Variants in XKR6 observed in about 807,000 individuals in gnomAD.
The protein encoded by XKR6 is XK-related protein 6.
In XKR6, 22 loss-of-function variants were observed where a neutral mutation model predicts 56.7. The ratio of observed to expected loss-of-function variants is 0.39; its 90% confidence interval spans 0.28 to 0.55. XKR6 has a LOEUF of 0.55. XKR6 is among the 20% of genes least tolerant of loss of function. The pLI is 0.66. For missense variants in XKR6, 852 were observed against 889.0 expected, an observed-to-expected ratio of 0.96 and a Z score of 0.53; for synonymous variants, 524 against 387.8, an observed-to-expected ratio of 1.35 and a Z score of -4.13.
chr8:11,026,420 GGTCTAGCCTACTACACACTTAGATA>G, intron 1 of XKR6, among the ~76,000 whole-genome samples: 4 of 149,632 alleles, frequency 2.7e-5, no homozygotes, highest in Admixed American at 6.7e-5. Flanking sequence ...ACACCTAGAT[GGTCTAGCCTACTACACACTTAGATA>G]GTCTAGCCTA....
intron 1 of XKR6, chr8:11,123,753 A>G (rs1392536504): frequency 4.6e-6 from 2 of 430,506 alleles, no homozygotes; most frequent in South Asian, 3.3e-5. Context: ...ACCCCGGGAA[A>G]AAAAAACAAA....
intron 1 of XKR6, among the ~76,000 whole-genome samples, chr8:10,937,672 A>T (rs1423888893): frequency 1.1e-4 from 17 of 148,712 alleles, no homozygotes; most frequent in African/African-American, 3.7e-4. Context: ...GTGAGGTGTC[A>T]GTGTGCCCCT....
chr8:10,971,492 C>T (rs1563319865), intron 1 of XKR6, among the ~76,000 whole-genome samples: 1 of 151,938 alleles, frequency 6.6e-6, no homozygotes, highest in African/African-American at 2.4e-5. Context: ...GAGCAGCCTC[C>T]ATACACTTTG....
At chr8:10,993,686 C>G (rs1202426988) in intron 1 of XKR6, among the ~76,000 whole-genome samples, 1 of 152,216 alleles carries the variant, frequency 6.6e-6, no homozygotes. Flanking sequence ...ACACTGGGAG[C>G]CCCTTTGTCT....
chr8:10,976,297 G>T (rs1044994379), intron 1 of XKR6, among the ~76,000 whole-genome samples: 1 of 152,134 alleles, frequency 6.6e-6, no homozygotes, highest in Admixed American at 6.5e-5. Flanking sequence ...GCCCACCCAA[G>T]ACCCCAGCAG....
rs76641203 is a variant in XKR6, at chr8:10,953,861, T to G, written c.765-29031A>C. On this transcript the variant is annotated intron_variant, in intron 1 of 2. Coordinates refer to ENST00000416569, the MANE Select transcript of XKR6 (RefSeq NM_173683.4). ...GCCTCTGGCAAGTGCTAGTCTACTT[T>G]CTGTCTCTATGGATTAGCCTATTCT... Among the ~76,000 whole-genome samples, 912 of 152,370 alleles carry G rather than the reference T, an allele frequency of 6.0e-3. 10 individuals carry two copies. The highest frequency in any genetic ancestry group is 0.021 in the African/African-American group (872 of 41,590).
At chr8:11,041,735 G>A (rs780490378) in intron 1 of XKR6, among the ~76,000 whole-genome samples, 5 of 152,286 alleles carry the variant, frequency 3.3e-5, no homozygotes, top group South Asian at 2.1e-4. Context: ...AAAGAGGCTC[G>A]AAAGAAACCC....
intron 1 of XKR6, among the ~76,000 whole-genome samples, chr8:11,114,987 A>C (rs1244027595): frequency 6.6e-6 from 1 of 152,240 alleles, no homozygotes; most frequent in Non-Finnish European, 1.5e-5. Context: ...TTGGTATGAC[A>C]GAACGAGTTC....
At chr8:10,950,438 G>A (rs146119420) in intron 1 of XKR6, among the ~76,000 whole-genome samples, 2 of 152,162 alleles carry the variant, frequency 1.3e-5, no homozygotes, top group Admixed American at 1.3e-4. Flanking sequence ...ACGGGTCCAG[G>A]CCTTTCCTGT....
chr8:11,042,752 T>C (rs1032143265), intron 1 of XKR6, among the ~76,000 whole-genome samples: 2 of 152,164 alleles, frequency 1.3e-5, no homozygotes, highest in Admixed American at 6.5e-5. Context: ...TTGGAGCATT[T>C]GGATTTCGGA....
chr8:11,109,689 G>C (rs887187342), intron 1 of XKR6: 24 of 151,972 alleles, frequency 1.6e-4, no homozygotes, highest in African/African-American at 5.8e-4. Context: ...GCTTTCATTT[G>C]TGCTCAGAGT....
At chr8:11,197,525 A>T (rs1192387246) in intron 1 of XKR6, among the ~76,000 whole-genome samples, 1 of 152,242 alleles carries the variant, frequency 6.6e-6, no homozygotes, top group Non-Finnish European at 1.5e-5. Flanking sequence ...TCCTGGAATA[A>T]GTGATTCACA....
At chr8:10,971,652 T>C (rs1802414166) in intron 1 of XKR6, among the ~76,000 whole-genome samples, 2 of 152,202 alleles carry the variant, frequency 1.3e-5, no homozygotes, top group South Asian at 4.2e-4. Context: ...CCAGCGGTCC[T>C]AACTACCTTC....
intron 1 of XKR6, among the ~76,000 whole-genome samples, chr8:10,986,647 T>C (rs1364718500): frequency 1.3e-5 from 2 of 152,236 alleles, no homozygotes; most frequent in Non-Finnish European, 1.5e-5. Flanking sequence ...TATACATACC[T>C]GGGTTTAAAT....
intron 1 of XKR6, among the ~76,000 whole-genome samples, chr8:11,086,730 C>G (rs1797905561): frequency 6.6e-6 from 1 of 152,238 alleles, no homozygotes; most frequent in Admixed American, 6.5e-5. Flanking sequence ...GATCCTATCT[C>G]TTTTCTAGAT....
chr8:11,103,664 T>C (rs1263640513), intron 1 of XKR6, among the ~76,000 whole-genome samples: 1 of 152,190 alleles, frequency 6.6e-6, no homozygotes, highest in Non-Finnish European at 1.5e-5. Context: ...GAGATACTAT[T>C]TGACTAAAAA....
rs1439317047 is a variant in XKR6, at chr8:10,898,921, C to T, written c.962-5G>A. ...GGGAAGTCACAGAGGAGACACCTGCCGGAAAGACACAAACCCACACAGTCA... is the reference window on the plus strand; with the variant it reads ...GGGAAGTCACAGAGGAGACACCTGCTGGAAAGACACAAACCCACACAGTCA... On this transcript the variant is annotated splice_polypyrimidine_tract_variant and splice_region_variant and intron_variant, in intron 2 of 2. Transcript: ENST00000416569. This position sits in a 1 kb window ranked among gnomAD's most constrained non-coding sequence, Gnocchi z 6.6. 2.5e-6 allele frequency: 4 copies of T among 1,592,926 alleles called. No homozygotes were observed. Among genetic ancestry groups the T allele is most frequent in the Non-Finnish European group, 2.6e-6 (3 of 1,170,314 alleles).
intron 1 of XKR6, among the ~76,000 whole-genome samples, chr8:10,933,775 G>T (rs1438916354): frequency 3.3e-5 from 5 of 149,746 alleles, no homozygotes; most frequent in African/African-American, 1.2e-4. Context: ...TTTGGTACCA[G>T]TACCATGCTG....
intron 1 of XKR6, among the ~76,000 whole-genome samples, chr8:11,008,418 CTTTTTTTTT>C (rs35571220): frequency 9.6e-5 from 10 of 104,144 alleles, no homozygotes; most frequent in African/African-American, 2.0e-4. Context: ...GCTCCCCAGG[CTTTTTTTTT>C]TTTTTTTTTT....
Sources: allele counts gnomAD v4.1 joint callset (sites outside exome capture counted in the v4.1 genomes callset), GRCh38; gene constraint gnomAD v4.1.1; non-coding constraint Gnocchi (gnomAD v3.1); transcripts MANE v1.5; gene names NCBI Gene and HGNC (gene_info 2026-07-23, HGNC 2026-07-21).